DAB1: variants seen among roughly 807,000 people sequenced by gnomAD.
DAB1 encodes the protein DAB adaptor protein 1, also known as disabled homolog 1.
A neutral mutation model predicts 64.6 loss-of-function variants in DAB1; 15 were observed. The ratio of observed to expected loss-of-function variants is 0.23; its 90% CI spans 0.16 to 0.36. The LOEUF (loss-of-function observed/expected upper bound fraction) is 0.36, where lower values mean the gene tolerates loss of function less well. DAB1 is among the 10% of genes least tolerant of loss of function. DAB1 has a pLI of 1.00. For missense variants in DAB1, 596 were observed against 706.7 expected (o/e 0.84, Z 1.78); for synonymous variants, 235 against 251.9 (o/e 0.93, Z 0.64).
intron 12 of DAB1, among the ~76,000 whole-genome samples, chr1:57,012,367 G>A (rs905970702): frequency 2.0e-5 from 3 of 152,190 alleles, no homozygotes; most frequent in Non-Finnish European, 4.4e-5. Context: ...ATACCTGCAA[G>A]TTGTTATCAT....
At chr1:58,089,267 A>G (rs1570337833) in intron 5 of DAB1, among the ~76,000 whole-genome samples, 1 of 152,270 alleles carries the variant, frequency 6.6e-6, no homozygotes, top group Admixed American at 6.5e-5. Flanking sequence ...CTTCTGCTAC[A>G]TAGAGCTATC....
intron 3 of DAB1, among the ~76,000 whole-genome samples, chr1:58,471,887 A>G (rs964232439): frequency 2.6e-5 from 4 of 152,182 alleles, no homozygotes; most frequent in Non-Finnish European, 4.4e-5. Context: ...CCATAAGCCA[A>G]TTAAATCTGT....
At chr1:58,157,380 T>C (rs1055954016) in intron 4 of DAB1, among the ~76,000 whole-genome samples, 5 of 152,114 alleles carry the variant, frequency 3.3e-5, no homozygotes, top group African/African-American at 1.2e-4. Flanking sequence ...GTGATAACAT[T>C]ATAATTTTGT....
chr1:57,319,564 T>C (rs2100759847), intron 1 of DAB1, among the ~76,000 whole-genome samples: 1 of 152,266 alleles, frequency 6.6e-6, no homozygotes. Context: ...GTATTTTGTG[T>C]GACCTCTCTT....
chr1:57,124,002 A>G (rs1364188214), intron 4 of DAB1, among the ~76,000 whole-genome samples: 1 of 152,188 alleles, frequency 6.6e-6, no homozygotes, highest in East Asian at 1.9e-4. Flanking sequence ...TGAAAAAAGC[A>G]TAAGGACCAG....
intron 5 of DAB1, among the ~76,000 whole-genome samples, chr1:58,085,026 C>T (rs188175955): frequency 1.3e-5 from 2 of 152,126 alleles, no homozygotes; most frequent in African/African-American, 2.4e-5. Flanking sequence ...GGTAGAATAC[C>T]TTTGGGATTT....
At chr1:57,370,817 G>A (rs1186349221) in intron 1 of DAB1, among the ~76,000 whole-genome samples, 1 of 152,046 alleles carries the variant, frequency 6.6e-6, no homozygotes, top group African/African-American at 2.4e-5. Flanking sequence ...TATTTTTTAT[G>A]GTCGTTTTAA....
At chr1:57,754,087 T>C (rs1648680508) in intron 6 of DAB1, among the ~76,000 whole-genome samples, 1 of 152,064 alleles carries the variant, frequency 6.6e-6, no homozygotes, top group Non-Finnish European at 1.5e-5. Context: ...CTCTTCTGAG[T>C]CCCAGGCCAG....
intron 2 of DAB1, among the ~76,000 whole-genome samples, chr1:58,518,018 C>T (rs1646184522): frequency 6.6e-6 from 1 of 151,284 alleles, no homozygotes; most frequent in African/African-American, 2.4e-5. Flanking sequence ...GAAACCCCGT[C>T]TCAACTAAAA....
chr1:57,184,259 C>T (rs564778032), intron 2 of DAB1, among the ~76,000 whole-genome samples: 3 of 152,270 alleles, frequency 2.0e-5, no homozygotes, highest in African/African-American at 7.2e-5. Flanking sequence ...CCAGAGCAAA[C>T]TACAATAATC....
chr1:57,607,408 A>G (rs1040298446), intron 7 of DAB1, among the ~76,000 whole-genome samples: 1 of 152,170 alleles, frequency 6.6e-6, no homozygotes, highest in Non-Finnish European at 1.5e-5. Context: ...GACCAAACTG[A>G]ATTCTTTATC....
chr1:57,723,361 C>A (rs1015647593), intron 6 of DAB1, among the ~76,000 whole-genome samples: 5 of 152,126 alleles, frequency 3.3e-5, no homozygotes, highest in African/African-American at 1.2e-4. Flanking sequence ...AATGTTTTTT[C>A]TGATACGCCT....
At chr1:57,294,196 G>A (rs929288890) in intron 1 of DAB1, among the ~76,000 whole-genome samples, 2 of 152,226 alleles carry the variant, frequency 1.3e-5, no homozygotes, top group East Asian at 3.8e-4. Context: ...AGTAAAGGCT[G>A]TGAAATCCTA....
chr1:58,014,883 GAAGA>G (rs1363916051), intron 5 of DAB1, among the ~76,000 whole-genome samples: 1 of 152,176 alleles, frequency 6.6e-6, no homozygotes, highest in African/African-American at 2.4e-5. Context: ...AACAAAAGAA[GAAGA>G]AAGAGGGTAC....
At chr1:57,242,546 G>A (rs2100482833) in intron 2 of DAB1, among the ~76,000 whole-genome samples, 1 of 152,044 alleles carries the variant, frequency 6.6e-6, no homozygotes, top group East Asian at 1.9e-4. Context: ...GCAGAAATAC[G>A]AACAGGAAAA....
At chr1:58,476,371 C>T (rs1157097902) in intron 3 of DAB1, among the ~76,000 whole-genome samples, 2 of 152,104 alleles carry the variant, frequency 1.3e-5, no homozygotes, top group Non-Finnish European at 2.9e-5. Flanking sequence ...GCTCTGCAGT[C>T]TCCTAAACAG....
rs536984976 is a variant in DAB1 at position 58,489,495 on chromosome 1, G to C, written n.257+16565C>G. On this transcript the variant is annotated intron_variant and non_coding_transcript_variant, in intron 3 of 20. Transcript: ENST00000485760. ...GCAGCTCAAGGAGGCCTGCCTGCCT[G>C]TGTAGACTCCACCTCTGGGGGCAGG... 6.3e-4 allele frequency among the ~76,000 whole-genome samples: 96 copies of C among 152,318 alleles called. No homozygotes were observed. In the South Asian group the frequency reaches 0.018, roughly 29 times the overall value.
chr1:58,277,212 G>A (rs886581372), intron 4 of DAB1, among the ~76,000 whole-genome samples: 10 of 151,702 alleles, frequency 6.6e-5, no homozygotes, highest in Admixed American at 1.3e-4. Flanking sequence ...GCTAATTTTT[G>A]TATTTTTAAT....
chr1:57,852,178 C>T (rs1390435510), intron 1 of DAB1, among the ~76,000 whole-genome samples: 3 of 152,126 alleles, frequency 2.0e-5, no homozygotes, highest in African/African-American at 7.2e-5. Context: ...TCCCTTTTCC[C>T]CTGAAGATCC....
Sources: gnomAD v4.1 joint callset for allele counts (sites outside exome capture counted in the v4.1 genomes callset) on GRCh38, gnomAD v4.1.1 for gene constraint, MANE v1.5 for transcripts, NCBI Gene and HGNC (gene_info 2026-07-23, HGNC 2026-07-21) for gene names.